Variants in ARHGEF38 observed in about 807,000 individuals in gnomAD.
The protein encoded by ARHGEF38 is Rho guanine nucleotide exchange factor (GEF) 38.
A neutral mutation model predicts 79.9 loss-of-function variants in ARHGEF38; 79 were observed. That is an observed-to-expected ratio of 0.99 (90% CI 0.82 to 1.19). The LOEUF (loss-of-function observed/expected upper bound fraction) is 1.19. Ranked by LOEUF, ARHGEF38 falls within the 50% of genes most tolerant of loss-of-function variation. ARHGEF38 has a pLI of 0.00. For synonymous variants in ARHGEF38, 366 were observed against 328.3 expected, an observed-to-expected ratio of 1.11 and a Z score of -1.24; for missense variants, 962 against 907.2, an observed-to-expected ratio of 1.06 and a Z score of -0.78.
In ARHGEF38 at chr4:105,655,702, T is replaced by C. The variant is rs182195268; in HGVS notation, c.1213T>C (p.Leu405=). The change falls in exon 9 of 14, where the codon TTA becomes CTA. Residue 405 remains leucine (L), a synonymous_variant. Transcript: ENST00000420470. ...MDYSETLSNA[L]NSCHDFASHL... ...CTATTCTGAGACCCTAAGTAATGCC[T>C]TAAATTCGTGTCATGACTTTGTAAG... 9.5e-5 allele frequency: 146 copies of C among 1,535,144 alleles called. No homozygotes were observed. In the African/African-American group the frequency reaches 1.8e-3, roughly 19 times the overall value.
chr4:105,573,254 C>T (rs1243649216), intron 1 of ARHGEF38, among the ~76,000 whole-genome samples: 2 of 152,072 alleles, frequency 1.3e-5, no homozygotes, highest in African/African-American at 4.8e-5. Context: ...TCCAACTTTT[C>T]TGTTTCTTCA....
At chr4:105,604,245 T>C (rs1727946757) in intron 2 of ARHGEF38, among the ~76,000 whole-genome samples, 1 of 152,164 alleles carries the variant, frequency 6.6e-6, no homozygotes, top group South Asian at 2.1e-4. Flanking sequence ...TCAAGTGACA[T>C]TCCCCAAGGG....
chr4:105,647,070 C>A (rs1000619248), intron 6 of ARHGEF38, among the ~76,000 whole-genome samples: 1 of 152,052 alleles, frequency 6.6e-6, no homozygotes, highest in African/African-American at 2.4e-5. Context: ...AATAAGAAGA[C>A]TGGAAACAAA....
At chr4:105,578,503 T>G (rs372099080) in intron 1 of ARHGEF38, among the ~76,000 whole-genome samples, 3 of 152,330 alleles carry the variant, frequency 2.0e-5, no homozygotes, top group East Asian at 3.9e-4. Flanking sequence ...ATGATCTGTG[T>G]AGTACTGTCA....
chr4:105,552,650 G>T lies in ARHGEF38; in HGVS notation c.-116G>T. ...CAGCCAGGTAACCCTGGAGTGAAGC[G>T]GTTTAGTTAGAAGGGAGCAGATAAA... On this transcript the variant is annotated 5_prime_UTR_variant, in exon 1 of 14. Coordinates refer to ENST00000420470, the MANE Select transcript of ARHGEF38 (RefSeq NM_001242729.2). 1 of 760,644 alleles carries T rather than the reference G, an allele frequency of 1.3e-6. No individual in the cohort carries two copies. The highest frequency in any genetic ancestry group is 2.0e-6 in the Non-Finnish European group (1 of 495,168). 47.1% of individuals were successfully genotyped at this position (760,644 alleles called of 1,614,324 possible). A position where few individuals can be genotyped will look rare whatever the true frequency, so the allele number is the denominator to read the frequency against.
chr4:105,667,332 G>A lies in ARHGEF38; in HGVS notation c.1888+5G>A, dbSNP rs1175359247. On this transcript the variant is annotated splice_donor_5th_base_variant and intron_variant, in intron 12 of 13. Coordinates refer to ENST00000420470, the MANE Select transcript of ARHGEF38 (RefSeq NM_001242729.2). ...GGTGGCTTGTGGACACAGGAAGTAA[G>A]TTTTTCCCCAGAACTACCACTCTTC... is the stretch of plus-strand genomic sequence containing the variant. 12 of 1,535,480 alleles carry A rather than the reference G, an allele frequency of 7.8e-6. No homozygotes were observed. The highest frequency in any genetic ancestry group is 1.4e-5 in the African/African-American group (1 of 73,050).
chr4:105,601,724 CT>C (rs1018339772), intron 2 of ARHGEF38, among the ~76,000 whole-genome samples: 1 of 152,016 alleles, frequency 6.6e-6, no homozygotes, highest in African/African-American at 2.4e-5. Flanking sequence ...CAGAGAAAGC[CT>C]TTAGGTAGAA....
chr4:105,661,318 A>G (rs945108880), intron 10 of ARHGEF38, among the ~76,000 whole-genome samples: 1 of 151,746 alleles, frequency 6.6e-6, no homozygotes, highest in African/African-American at 2.4e-5. Flanking sequence ...ATATGTTCCC[A>G]TTTCTGTTGA....
At chr4:105,650,306 C>A (rs1730046286) in intron 7 of ARHGEF38, among the ~76,000 whole-genome samples, 1 of 152,174 alleles carries the variant, frequency 6.6e-6, no homozygotes, top group Non-Finnish European at 1.5e-5. Flanking sequence ...TTAGGGATAG[C>A]AAATGGCTGG....
chr4:105,605,890 T>C (rs1331296698), intron 2 of ARHGEF38, among the ~76,000 whole-genome samples: 1 of 152,132 alleles, frequency 6.6e-6, no homozygotes, highest in Non-Finnish European at 1.5e-5. Flanking sequence ...ACCTACTTTA[T>C]CCTCTCAGAA....
Position 105,678,030 on chromosome 4 carries a change from A to G in ARHGEF38, c.*93A>G. 1 of 1,076,730 alleles carries G rather than the reference A, an allele frequency of 9.3e-7. No individual in the cohort carries two copies. The highest frequency in any genetic ancestry group is 1.3e-6 in the Non-Finnish European group (1 of 779,558). The allele number at this position is 1,076,730 out of a possible 1,614,324, so 66.7% of individuals were successfully genotyped here. ...CAAAACTTTGGACCAGAAAGCAAGA[A>G]ACCTCTGAACTACAGAAACTGATAC... On this transcript the variant is annotated 3_prime_UTR_variant, in exon 14 of 14. Coordinates refer to ENST00000420470, the MANE Select transcript of ARHGEF38 (RefSeq NM_001242729.2).
At chr4:105,572,302 G>A (rs955614923) in intron 1 of ARHGEF38, among the ~76,000 whole-genome samples, 1 of 151,954 alleles carries the variant, frequency 6.6e-6, no homozygotes, top group Non-Finnish European at 1.5e-5. Flanking sequence ...GTATGCCCAG[G>A]AAGCCTTGCT....
At chr4:105,612,475 T>G (rs2110490787) in intron 2 of ARHGEF38, among the ~76,000 whole-genome samples, 1 of 152,236 alleles carries the variant, frequency 6.6e-6, no homozygotes, top group East Asian at 1.9e-4. Flanking sequence ...CAGTAAGTCA[T>G]GAGTAAAAGG....
rs557538244 is a variant in ARHGEF38 at position 105,671,090 on chromosome 4, A to G, written c.2148+3387A>G. Among the ~76,000 whole-genome samples, 12 of 152,358 alleles carry G rather than the reference A, an allele frequency of 7.9e-5. No individual in the cohort carries two copies. In the South Asian group the frequency reaches 2.5e-3, roughly 32 times the overall value. ...GTATTTCAAAACAAAAAATATATTA[A>G]TGGCATATCTTCATAAATTGTTATT... On this transcript the variant is annotated intron_variant, in intron 13 of 13. Coordinates refer to ENST00000420470, the MANE Select transcript of ARHGEF38 (RefSeq NM_001242729.2).
chr4:105,617,894 T>C (rs1351640818), intron 3 of ARHGEF38, among the ~76,000 whole-genome samples: 1 of 152,186 alleles, frequency 6.6e-6, no homozygotes, highest in Admixed American at 6.5e-5. Flanking sequence ...AAGCCTTTGA[T>C]GGAGCTCCTC....
At chr4:105,589,772 CCTGTAACCCAG>C (rs1297133230) in intron 2 of ARHGEF38, among the ~76,000 whole-genome samples, 1 of 152,086 alleles carries the variant, frequency 6.6e-6, no homozygotes, top group African/African-American at 2.4e-5. Context: ...GTGGCTCATG[CCTGTAACCCAG>C]CACTTTGGGA....
intron 1 of ARHGEF38, among the ~76,000 whole-genome samples, chr4:105,555,388 C>G (rs189235894): frequency 1.3e-5 from 2 of 152,086 alleles, no homozygotes; most frequent in Non-Finnish European, 1.5e-5. Flanking sequence ...ACAGGGAAGG[C>G]GACAAGGGAA....
chr4:105,625,603 G>A (rs1728911349), intron 3 of ARHGEF38, among the ~76,000 whole-genome samples: 1 of 152,206 alleles, frequency 6.6e-6, no homozygotes, highest in Non-Finnish European at 1.5e-5. Context: ...ATGGAGACAA[G>A]GATGAAGACA....
In ARHGEF38 at chr4:105,659,364, C is replaced by A. The variant is rs936653796; in HGVS notation, c.1544C>A (p.Pro515Gln). Residue 515 changes from proline (P) to glutamine (Q), a missense_variant and splice_region_variant, in exon 10 of 14, where the codon CCG (proline) becomes CAG (glutamine). Coordinates refer to ENST00000420470, the MANE Select transcript of ARHGEF38 (RefSeq NM_001242729.2). ...VAQQAYSTLVPMPLLVSSISE... is the reference protein window; with the variant it reads ...VAQQAYSTLVQMPLLVSSISE... ...CAGCAGGCTTACTCCACACTTGTGC[C>A]GGTAAGCACAGCACCAACACCTAGC... 59 of 1,532,522 alleles carry A rather than the reference C, an allele frequency of 3.8e-5. No individual in the cohort carries two copies. Among genetic ancestry groups the A allele is most frequent in the Non-Finnish European group, 4.2e-5 (48 of 1,145,546 alleles). 94.9% of individuals were successfully genotyped at this position (1,532,522 alleles called of 1,614,324 possible). A position where few individuals can be genotyped will look rare whatever the true frequency, so the allele number is the denominator to read the frequency against.
Sources: gnomAD v4.1 joint callset for allele counts (sites outside exome capture counted in the v4.1 genomes callset) on GRCh38, gnomAD v4.1.1 for gene constraint, MANE v1.5 for transcripts, NCBI Gene and HGNC (gene_info 2026-07-23, HGNC 2026-07-21) for gene names.